The following RAPGEF4 variants were observed in gnomAD, a reference collection of about 807,000 sequenced individuals.
RAPGEF4 encodes the protein RAP guanine-nucleotide-exchange factor (GEF) 4.
RAPGEF4 carries 66 observed loss-of-function variants against 147.9 expected under a neutral mutation model. The ratio of observed to expected loss-of-function variants is 0.45; its 90% CI spans 0.37 to 0.55. The LOEUF is 0.55. Among genes scored for constraint, RAPGEF4 ranks in the 20% least tolerant of loss-of-function variants. The pLI, the probability that RAPGEF4 is intolerant of heterozygous loss-of-function variation, is 0.00. For missense variants in RAPGEF4, 1,071 were observed against 1,257.3 expected, an observed-to-expected ratio of 0.85 and a Z score of 2.24; for synonymous variants, 419 against 442.7, an observed-to-expected ratio of 0.95 and a Z score of 0.67.
intron 4 of RAPGEF4, among the ~76,000 whole-genome samples, chr2:172,823,833 T>G (rs949136796): frequency 2.0e-5 from 3 of 152,228 alleles, no homozygotes; most frequent in African/African-American, 7.2e-5. Context: ...TGTGGTTGAA[T>G]GGTCTGGCCT....
At chr2:172,984,083 T>TAAA (rs1400771024) in intron 11 of RAPGEF4, among the ~76,000 whole-genome samples, 4 of 152,168 alleles carry the variant, frequency 2.6e-5, no homozygotes, top group South Asian at 2.1e-4. Context: ...CACCCACTAA[T>TAAA]AAAAAATGAC....
At chr2:172,967,198 C>T in intron 9 of RAPGEF4, 63 bp from the exon 10 acceptor site, 1 of 1,507,688 alleles carries the variant, frequency 6.6e-7, no homozygotes, top group Non-Finnish European at 9.0e-7. Context: ...GCATTTGTTT[C>T]TAGTAAACGG....
intron 1 of RAPGEF4, among the ~76,000 whole-genome samples, chr2:172,788,663 T>C (rs1328437759): frequency 6.6e-6 from 1 of 151,900 alleles, no homozygotes; most frequent in Non-Finnish European, 1.5e-5. Context: ...AGCAGGAGGA[T>C]TGGTTGAGCC....
chr2:172,990,994 A>G, intron 15 of RAPGEF4, 69 bp downstream of exon 15: 1 of 1,182,388 alleles, frequency 8.5e-7, no homozygotes, highest in Non-Finnish European at 1.2e-6. Context: ...CATCATTTCT[A>G]CAATAGCATG....
At chr2:172,897,774 T>TTTTATTTTATTTTATTTTATTTATTTTAC (rs1698660462) in intron 4 of RAPGEF4, among the ~76,000 whole-genome samples, 4 of 17,160 alleles carry the variant, frequency 2.3e-4, no homozygotes, top group Non-Finnish European at 3.8e-4. Flanking sequence ...ATTTATTTTA[T>TTTTATTTTATTTTATTTTATTTATTTTAC]AGAGCAAACA....
intron 4 of RAPGEF4, among the ~76,000 whole-genome samples, chr2:172,912,886 C>T (rs73977729): frequency 0.013 from 1,821 of 138,252 alleles, 42 homozygotes; most frequent in East Asian, 0.12. Context: ...TTAATGCCTC[C>T]CTCACTCTTT....
At chr2:173,023,742 G>T (rs775547930) in intron 23 of RAPGEF4, among the ~76,000 whole-genome samples, 9 of 152,132 alleles carry the variant, frequency 5.9e-5, no homozygotes, top group Non-Finnish European at 1.0e-4. Context: ...AGGTAAACTT[G>T]TCCCCCTTAT....
intron 3 of RAPGEF4, among the ~76,000 whole-genome samples, chr2:172,803,195 T>C (rs779344253): frequency 7.9e-5 from 12 of 152,246 alleles, no homozygotes; most frequent in Non-Finnish European, 1.5e-4. Flanking sequence ...GTGGGGGCTC[T>C]GACCCCACAT....
At chr2:173,021,186 A>G (rs894171836) in intron 23 of RAPGEF4, among the ~76,000 whole-genome samples, 6 of 152,226 alleles carry the variant, frequency 3.9e-5, no homozygotes, top group Non-Finnish European at 1.5e-5. Context: ...TAAGTCTCCA[A>G]AAACACTTGT....
chr2:172,926,151 A>T (rs1685341995), intron 6 of RAPGEF4, among the ~76,000 whole-genome samples: 1 of 152,122 alleles, frequency 6.6e-6, no homozygotes, highest in Non-Finnish European at 1.5e-5. Flanking sequence ...TTATTTTGAT[A>T]GGGTTGTGAT....
intron 14 of RAPGEF4, among the ~76,000 whole-genome samples, chr2:172,989,607 G>A (rs1271848620): frequency 6.6e-6 from 1 of 152,156 alleles, no homozygotes; most frequent in Admixed American, 6.5e-5. Context: ...GTCCCTGGGA[G>A]GGATGACTCT....
intron 6 of RAPGEF4, among the ~76,000 whole-genome samples, chr2:172,932,760 G>A (rs1428472921): frequency 6.6e-6 from 1 of 152,158 alleles, no homozygotes; most frequent in African/African-American, 2.4e-5. Context: ...TGTAACGTAT[G>A]TTTGTGGTTG....
intron 1 of RAPGEF4, among the ~76,000 whole-genome samples, chr2:172,783,419 C>T (rs538164975): frequency 6.6e-6 from 1 of 152,220 alleles, no homozygotes; most frequent in East Asian, 1.9e-4. Flanking sequence ...AACAAGGAGG[C>T]ATTATGCCAG....
intron 6 of RAPGEF4, among the ~76,000 whole-genome samples, chr2:172,955,773 C>T (rs1427752729): frequency 3.9e-5 from 6 of 152,318 alleles, no homozygotes; most frequent in African/African-American, 9.6e-5. Flanking sequence ...CCTAGCCTAG[C>T]GCTCAGCAGG....
intron 29 of RAPGEF4, among the ~76,000 whole-genome samples, chr2:173,040,606 A>G (rs760875509): frequency 6.6e-6 from 1 of 152,202 alleles, no homozygotes; most frequent in Non-Finnish European, 1.5e-5. Context: ...GCAAACCACC[A>G]TGCCAACTCT....
At chr2:172,821,375 G>A (rs1481594108) in intron 4 of RAPGEF4, among the ~76,000 whole-genome samples, 1 of 152,222 alleles carries the variant, frequency 6.6e-6, no homozygotes, top group Non-Finnish European at 1.5e-5. Context: ...AAGCCAAGGG[G>A]CCTGCATTCT....
intron 10 of RAPGEF4, among the ~76,000 whole-genome samples, chr2:172,967,710 A>G (rs1003253856): frequency 6.6e-6 from 1 of 152,220 alleles, no homozygotes; most frequent in Non-Finnish European, 1.5e-5. Flanking sequence ...CTGAGTCCCC[A>G]TATTAAATGA....
intron 6 of RAPGEF4, among the ~76,000 whole-genome samples, chr2:172,926,411 T>G (rs186122761): frequency 4.6e-5 from 7 of 152,312 alleles, no homozygotes; most frequent in African/African-American, 1.4e-4. Flanking sequence ...TGGGGTTTCC[T>G]AGTTTTAGAA....
At chr2:172,848,846 G>A (rs1692507132) in intron 4 of RAPGEF4, among the ~76,000 whole-genome samples, 1 of 152,146 alleles carries the variant, frequency 6.6e-6, no homozygotes, top group South Asian at 2.1e-4. Flanking sequence ...AAATTCAAGG[G>A]TGTATGTAAT....
Sources: gnomAD v4.1 joint callset for allele counts (sites outside exome capture counted in the v4.1 genomes callset) on GRCh38, gnomAD v4.1.1 for gene constraint, MANE v1.5 for transcripts, NCBI Gene and HGNC (gene_info 2026-07-23, HGNC 2026-07-21) for gene names.